Variants in DOCK2 observed in about 807,000 individuals in gnomAD.
DOCK2 encodes dedicator of cytokinesis protein 2.
A neutral mutation model predicts 248.9 loss-of-function variants in DOCK2; 87 were observed. The ratio of observed to expected loss-of-function variants is 0.35; its 90% confidence interval spans 0.29 to 0.42. DOCK2 has a LOEUF of 0.42. DOCK2 is among the 10% of genes least tolerant of loss of function. DOCK2 has a pLI of 1.00. For synonymous variants in DOCK2, 805 were observed against 821.6 expected (o/e 0.98, Z 0.35); for missense variants, 1,747 against 2,300.2 (o/e 0.76, Z 4.92).
rs10038248 is a variant in DOCK2 at position 170,010,401 on chromosome 5, G to T, written c.3232+1655G>T. Among the ~76,000 whole-genome samples the T allele has an allele frequency of 5.8e-4, 89 of 152,146 alleles. 2 individuals carry two copies. The East Asian group carries it at 0.016, about 28-fold the overall frequency. ...CATTGCTTTGCAATGGTAGGGGAAT[G>T]GGGGAACATGGTGCAAGCACAGGCC... is the stretch of plus-strand genomic sequence containing the variant. On this transcript the variant is annotated intron_variant, in intron 32 of 51. Transcript: ENST00000520908.
intron 27 of DOCK2, among the ~76,000 whole-genome samples, chr5:169,872,065 T>C (rs1267123863): frequency 6.6e-6 from 1 of 152,184 alleles, no homozygotes; most frequent in Non-Finnish European, 1.5e-5. Context: ...AACTACACTC[T>C]AAGCAAGTTG....
At chr5:169,903,512 T>G (rs1581389898) in intron 27 of DOCK2, among the ~76,000 whole-genome samples, 2 of 100,586 alleles carry the variant, frequency 2.0e-5, no homozygotes, top group African/African-American at 4.1e-5. Flanking sequence ...TGGAAGAGAG[T>G]AGGAGCCAGC....
intron 49 of DOCK2, 105 bp downstream of exon 49, chr5:170,079,251 C>T: frequency 7.0e-7 from 1 of 1,424,220 alleles, no homozygotes; most frequent in East Asian, 2.5e-5. Context: ...TGAAGCCTGC[C>T]ACTGCGGTGC....
intron 1 of DOCK2, among the ~76,000 whole-genome samples, chr5:169,641,562 G>A (rs1757154133): frequency 6.6e-6 from 1 of 152,172 alleles, no homozygotes; most frequent in Non-Finnish European, 1.5e-5. Context: ...TGGGAGAGCA[G>A]GGAGAAGTGG....
In DOCK2 at chr5:169,764,811, T is replaced by C. The variant is rs1174004625; in HGVS notation, c.2554+3186T>C. On this transcript the variant is annotated intron_variant, in intron 25 of 51. Coordinates refer to ENST00000520908, the MANE Select transcript of DOCK2 (RefSeq NM_004946.3). The surrounding 1 kb of genome is among the most constrained non-coding windows in gnomAD (Gnocchi z 4.3). ...ACCTAATGAATAAAAGGGCCTTGGT[T>C]GGTACATGCTCTCCATTCTGACTTT... Among the ~76,000 whole-genome samples, 1 of 151,826 alleles carries C rather than the reference T, an allele frequency of 6.6e-6. No homozygotes were observed. Among genetic ancestry groups the C allele is most frequent in the African/African-American group, 2.4e-5 (1 of 41,094 alleles).
At chr5:169,727,879 G>T (rs146487388) in intron 22 of DOCK2, among the ~76,000 whole-genome samples, 5 of 152,158 alleles carry the variant, frequency 3.3e-5, no homozygotes, top group Non-Finnish European at 7.4e-5. Flanking sequence ...AACATGATTA[G>T]ATTCATCTTT....
chr5:169,952,899 G>A (rs1334308161), intron 27 of DOCK2, among the ~76,000 whole-genome samples: 1 of 152,204 alleles, frequency 6.6e-6, no homozygotes, highest in African/African-American at 2.4e-5. Flanking sequence ...CTGGGACAGT[G>A]GAACATAGGA....
chr5:169,688,926 T>C (rs146053883), intron 8 of DOCK2, among the ~76,000 whole-genome samples: 2 of 152,350 alleles, frequency 1.3e-5, no homozygotes, highest in African/African-American at 4.8e-5. Flanking sequence ...TCCCCTCTCA[T>C]CTCTGCCATT....
At position 169,654,455 on chromosome 5, in the gene DOCK2, C is replaced by T. The variant is rs767961785; in HGVS notation, c.96C>T (p.Gly32=). ...CCCCCCAGCTCTCCCTGCAGATCGG[C>T]GATGTGGTGCGAATACAGGAGACGT... is the stretch of plus-strand genomic sequence containing the variant. ...SGAPQLSLQI[G]DVVRIQETCG... Residue 32 remains glycine, a synonymous_variant, in exon 2 of 52, where the codon GGC becomes GGT. Transcript: ENST00000520908. 5 of 1,614,122 alleles carry T rather than the reference C, an allele frequency of 3.1e-6. No individual in the cohort carries two copies. The highest frequency in any genetic ancestry group is 1.7e-4 in the Middle Eastern group (1 of 6,058).
At chr5:169,706,740 G>T (rs1761287541) in intron 14 of DOCK2, among the ~76,000 whole-genome samples, 1 of 152,246 alleles carries the variant, frequency 6.6e-6, no homozygotes, top group Admixed American at 6.5e-5. Context: ...TGAAAGGACT[G>T]CTGTGTATTC....
At chr5:169,787,727 C>CTCTTCT (rs1341090782) in intron 25 of DOCK2, among the ~76,000 whole-genome samples, 4 of 148,122 alleles carry the variant, frequency 2.7e-5, no homozygotes, top group African/African-American at 7.5e-5. Flanking sequence ...TTTTTGCCTC[C>CTCTTCT]TCTTCTGTGT....
chr5:169,897,752 G>A (rs535876763), intron 27 of DOCK2, among the ~76,000 whole-genome samples: 25 of 152,268 alleles, frequency 1.6e-4, no homozygotes, highest in African/African-American at 5.8e-4. Flanking sequence ...GAAGGCCATC[G>A]TCAGGGCCAC....
In DOCK2 at chr5:169,701,231, G is replaced by A. The variant is rs372652952; in HGVS notation, c.1259-1072G>A. 2.0e-3 allele frequency among the ~76,000 whole-genome samples: 307 copies of A among 152,312 alleles called. 11 individuals carry two copies. In the South Asian group the frequency reaches 0.05, roughly 25 times the overall value. On this transcript the variant is annotated intron_variant, in intron 13 of 51. Transcript: ENST00000520908. ...TATTTTATGGAATGAAGCATTGCCC[G>A]ATTCTAGAATTGCAATAGAGCCAAG...
At chr5:169,831,940 A>T (rs1012361136) in intron 26 of DOCK2, among the ~76,000 whole-genome samples, 1 of 152,172 alleles carries the variant, frequency 6.6e-6, no homozygotes, top group Non-Finnish European at 1.5e-5. Context: ...TTTTGCAGAG[A>T]GTTTTTCATA....
chr5:169,974,529 A>AT (rs1405706308), intron 27 of DOCK2, among the ~76,000 whole-genome samples: 1 of 152,156 alleles, frequency 6.6e-6, no homozygotes, highest in East Asian at 1.9e-4. Context: ...GAGACTTCAC[A>AT]TCCTGTTGGG....
chr5:169,718,703 G>A lies in DOCK2; in HGVS notation c.2179G>A (p.Gly727Arg). 6.2e-7 allele frequency: 1 copy of A among 1,613,940 alleles called. No homozygotes were observed. The highest frequency in any genetic ancestry group is 8.5e-7 in the Non-Finnish European group (1 of 1,179,884). The stretch of plus-strand genomic sequence containing the variant: ...GACTTACTTGGATACCTCCAGCAGA[G>A]GGGAGCAATGTGAGCCAATCCTAAG... The part of the protein sequence containing the change: ...LKTYLDTSSR[G>R]EQCEPILRTL... Residue 727 changes from glycine (G) to arginine (R), a missense_variant, in exon 22 of 52, where the codon GGG (glycine) becomes AGG (arginine). Coordinates refer to ENST00000520908, the MANE Select transcript of DOCK2 (RefSeq NM_004946.3).
At chr5:169,829,749 C>T (rs1549615) in intron 26 of DOCK2, among the ~76,000 whole-genome samples, 25,478 of 152,136 alleles carry the variant, frequency 0.17, 2,576 homozygotes, top group Admixed American at 0.23. Context: ...GTTGTATTTA[C>T]GTTGTATTTA....
chr5:169,719,801 G>T (rs1762095546), intron 22 of DOCK2, among the ~76,000 whole-genome samples: 2 of 152,118 alleles, frequency 1.3e-5, no homozygotes, highest in African/African-American at 2.4e-5. Context: ...TTGTGGTCAT[G>T]TGTGCATTAC....
chr5:169,820,679 C>T (rs1213723526), intron 26 of DOCK2, among the ~76,000 whole-genome samples: 1 of 152,182 alleles, frequency 6.6e-6, no homozygotes, highest in Non-Finnish European at 1.5e-5. Flanking sequence ...AAAAACAGAG[C>T]AGAAAAACTG....
Sources: allele counts gnomAD v4.1 joint callset (sites outside exome capture counted in the v4.1 genomes callset), GRCh38; gene constraint gnomAD v4.1.1; non-coding constraint Gnocchi (gnomAD v3.1); transcripts MANE v1.5; gene names NCBI Gene and HGNC (gene_info 2026-07-23, HGNC 2026-07-21).